The following HYAL4 variants were observed in gnomAD, a reference collection of about 807,000 sequenced individuals.
HYAL4 encodes hyaluronidase 4, also known as hyaluronidase-4.
HYAL4 carries 37 observed loss-of-function variants against 35.2 expected under a neutral mutation model. The observed-to-expected ratio is 1.05, with a 90% CI of 0.81 to 1.38. The LOEUF is 1.38. Among genes scored for constraint, HYAL4 ranks in the 40% most tolerant of loss-of-function variants. The pLI, the probability that HYAL4 is intolerant of heterozygous loss-of-function variation, is 0.00. For missense variants in HYAL4, 572 were observed against 572.4 expected (o/e 1.00, Z 0.01); for synonymous variants, 198 against 203.2 (o/e 0.97, Z 0.22).
chr7:123,860,911 A>G (rs545805019), intron 2 of HYAL4, among the ~76,000 whole-genome samples: 7 of 152,336 alleles, frequency 4.6e-5, no homozygotes, highest in African/African-American at 1.4e-4. Context: ...ACAGAGAGAT[A>G]GATGATAGGT....
At chr7:123,869,270 C>A in intron 3 of HYAL4, 43 bp downstream of exon 3, 2 of 1,250,166 alleles carry the variant, frequency 1.6e-6, no homozygotes, top group East Asian at 4.8e-5. Context: ...TCCTCCTTAT[C>A]TCTAAAAGGA....
chr7:123,773,781 A>T, the HYAL4 span, among the ~76,000 whole-genome samples: 1 of 152,330 alleles, frequency 6.6e-6, no homozygotes, highest in African/African-American at 2.4e-5. Context: ...GGGAATTTTT[A>T]ATTTTTCAGA....
the HYAL4 span, chr7:123,814,281 T>C: frequency 9.2e-5 from 14 of 152,654 alleles, no homozygotes; most frequent in Non-Finnish European, 1.8e-4. Context: ...ATGTATTGTA[T>C]GCCTTCCTTC....
chr7:123,771,280 T>C, the HYAL4 span, among the ~76,000 whole-genome samples: 2 of 152,356 alleles, frequency 1.3e-5, no homozygotes, highest in East Asian at 1.9e-4. Context: ...ATTTCCTCAC[T>C]ATTCACTGAT....
At chr7:123,872,456 C>T (rs565263119) in intron 3 of HYAL4, among the ~76,000 whole-genome samples, 2 of 152,244 alleles carry the variant, frequency 1.3e-5, no homozygotes, top group African/African-American at 4.8e-5. Flanking sequence ...ACAGTGGGCA[C>T]GTTGCTTACA....
At position 123,869,113 on chromosome 7, in the gene HYAL4, T is replaced by G. The variant is rs148679463; in HGVS notation, c.840T>G (p.Phe280Leu). 1.2e-6 allele frequency: 2 copies of G among 1,614,194 alleles called. No individual in the cohort carries two copies. Among genetic ancestry groups the G allele is most frequent in the Non-Finnish European group, 1.7e-6 (2 of 1,180,036 alleles). The change falls in exon 3 of 5, where the codon TTT becomes TTG. Residue 280 changes from phenylalanine to leucine, a missense_variant. Physicochemically the swap from Phe to Leu is conservative, Grantham distance 22. Coordinates refer to ENST00000223026, the MANE Select transcript of HYAL4 (RefSeq NM_012269.3). The stretch of plus-strand genomic sequence containing the variant: ...AAAACATTTTGCGCTTCTCCAAATT[T>G]CGGGTGCATGAATCCATGAGGATCT... ...DSENILRFSK[F>L]RVHESMRIST...
chr7:123,786,994 G>T, the HYAL4 span, among the ~76,000 whole-genome samples: 1 of 151,338 alleles, frequency 6.6e-6, no homozygotes, highest in Non-Finnish European at 1.5e-5. Flanking sequence ...TGTAATCACC[G>T]CTACTTGGTA....
At chr7:123,769,188 T>G in the HYAL4 span, among the ~76,000 whole-genome samples, 1 of 152,224 alleles carries the variant, frequency 6.6e-6, no homozygotes, top group Non-Finnish European at 1.5e-5. Context: ...TTAATTTACC[T>G]TTCTAATTGT....
intron 2 of HYAL4, among the ~76,000 whole-genome samples, chr7:123,857,709 C>G (rs796682981): frequency 2.8e-4 from 42 of 150,936 alleles, no homozygotes; most frequent in African/African-American, 7.6e-4. Flanking sequence ...TTCTTTCTTT[C>G]TTTCTTTCTT....
chr7:123,765,459 T>A, the HYAL4 span, among the ~76,000 whole-genome samples: 10 of 152,116 alleles, frequency 6.6e-5, no homozygotes, highest in African/African-American at 2.4e-4. Context: ...GTATCTCAGT[T>A]CTATGGGAAA....
chr7:123,775,781 CT>C, the HYAL4 span, among the ~76,000 whole-genome samples: 1 of 151,996 alleles, frequency 6.6e-6, no homozygotes, highest in Non-Finnish European at 1.5e-5. Flanking sequence ...GAGTTCCCTA[CT>C]TTTTTTTGAT....
At chr7:123,871,294 T>C (rs1161238694) in intron 3 of HYAL4, among the ~76,000 whole-genome samples, 1 of 151,358 alleles carries the variant, frequency 6.6e-6, no homozygotes, top group Non-Finnish European at 1.5e-5. Flanking sequence ...CGGGTTCAAG[T>C]GATTCTCCTG....
At chr7:123,875,960 G>C (rs1807011031) in intron 4 of HYAL4, 1 of 454,952 alleles carries the variant, frequency 2.2e-6, no homozygotes, top group Non-Finnish European at 4.4e-6. Context: ...TCATGAAACT[G>C]TTTATGCCTA....
intron 1 of HYAL4, among the ~76,000 whole-genome samples, chr7:123,846,411 T>C (rs866425977): frequency 3.3e-5 from 5 of 151,938 alleles, no homozygotes; most frequent in African/African-American, 1.2e-4. Flanking sequence ...TCATGCAGGT[T>C]GTCAGGGGAG....
At chr7:123,801,280 A>T in the HYAL4 span, among the ~76,000 whole-genome samples, 1 of 152,320 alleles carries the variant, frequency 6.6e-6, no homozygotes, top group Non-Finnish European at 1.5e-5. Flanking sequence ...AAAACTTTTT[A>T]AAAATGATTG....
chr7:123,856,956 C>T (rs1168003856), intron 2 of HYAL4, among the ~76,000 whole-genome samples: 1 of 152,130 alleles, frequency 6.6e-6, no homozygotes, highest in Non-Finnish European at 1.5e-5. Flanking sequence ...CCACCCATTT[C>T]GAACTTCCCA....
chr7:123,798,703 T>C, the HYAL4 span, among the ~76,000 whole-genome samples: 1 of 152,140 alleles, frequency 6.6e-6, no homozygotes, highest in Admixed American at 6.5e-5. Flanking sequence ...ACTAATAGAA[T>C]GTTTGTGGAT....
chr7:123,820,074 G>A, the HYAL4 span, among the ~76,000 whole-genome samples: 17 of 151,458 alleles, frequency 1.1e-4, no homozygotes, highest in South Asian at 3.5e-3. Context: ...TGTATTTTTA[G>A]TAGAGACAGG....
upstream of HYAL4, among the ~76,000 whole-genome samples, chr7:123,841,626 C>G (rs979856003): frequency 6.6e-6 from 1 of 151,546 alleles, no homozygotes; most frequent in African/African-American, 2.4e-5. Flanking sequence ...TGGTCCTGGA[C>G]TTTTTTTTGG....
Sources: gnomAD v4.1 joint callset for allele counts (sites outside exome capture counted in the v4.1 genomes callset) on GRCh38, gnomAD v4.1.1 for gene constraint, MANE v1.5 for transcripts, NCBI Gene and HGNC (gene_info 2026-07-23, HGNC 2026-07-21) for gene names.